MYH15: variants seen among roughly 807,000 people sequenced by gnomAD.
The protein encoded by MYH15 is myosin-15.
MYH15 carries 227 observed loss-of-function variants against 240.5 expected under a neutral mutation model. The ratio of observed to expected loss-of-function variants is 0.94; its 90% CI spans 0.85 to 1.05. The LOEUF is 1.05. Among genes scored for constraint, MYH15 ranks in the 50% least tolerant of loss-of-function variants. MYH15 has a pLI of 0.00. For synonymous variants in MYH15, 785 were observed against 796.7 expected (o/e 0.99, Z 0.25); for missense variants, 2,217 against 2,247.5 (o/e 0.99, Z 0.27).
At chr3:108,505,886 T>C (rs2107245461) in intron 1 of MYH15, 57 bp from the exon 2 acceptor site, 2 of 1,130,338 alleles carry the variant, frequency 1.8e-6, no homozygotes, top group Non-Finnish European at 2.6e-6. Context: ...CAGAAATACA[T>C]ACTGGACACT....
intron 32 of MYH15, among the ~76,000 whole-genome samples, chr3:108,407,311 A>C (rs2082554164): frequency 6.6e-6 from 1 of 152,108 alleles, no homozygotes; most frequent in African/African-American, 2.4e-5. Flanking sequence ...CCTGCCTAAC[A>C]CTGACTGCCA....
At chr3:108,385,892 A>G (rs2082380528) in intron 38 of MYH15, among the ~76,000 whole-genome samples, 1 of 151,824 alleles carries the variant, frequency 6.6e-6, no homozygotes, top group Non-Finnish European at 1.5e-5. Flanking sequence ...TATTCTCATC[A>G]TCTGGAATGC....
At chr3:108,520,524 A>G (rs1163621408) in intron 1 of MYH15, among the ~76,000 whole-genome samples, 1 of 152,174 alleles carries the variant, frequency 6.6e-6, no homozygotes, top group East Asian at 1.9e-4. Flanking sequence ...GTTTTTAAGA[A>G]GTTGAACCCT....
intron 18 of MYH15, among the ~76,000 whole-genome samples, chr3:108,457,537 A>C (rs980055305): frequency 6.6e-6 from 1 of 152,128 alleles, no homozygotes; most frequent in African/African-American, 2.4e-5. Flanking sequence ...AAACCATCCA[A>C]GAAGCCACTG....
chr3:108,415,306 G>T (rs1238328660), intron 29 of MYH15, among the ~76,000 whole-genome samples: 1 of 152,148 alleles, frequency 6.6e-6, no homozygotes, highest in Non-Finnish European at 1.5e-5. Flanking sequence ...AGGGCACAAG[G>T]TTTAGTTAAT....
At chr3:108,506,953 C>G (rs538668481) in intron 1 of MYH15, among the ~76,000 whole-genome samples, 1 of 152,154 alleles carries the variant, frequency 6.6e-6, no homozygotes, top group South Asian at 2.1e-4. Context: ...ATCACTTGAA[C>G]CAGAGAGTCG....
chr3:108,512,441 G>T (rs2083528555), upstream of MYH15, among the ~76,000 whole-genome samples: 1 of 152,116 alleles, frequency 6.6e-6, no homozygotes, highest in Non-Finnish European at 1.5e-5. Context: ...ATTTGTCTGG[G>T]TCCTCCTCCT....
At chr3:108,541,626 T>C in the MYH15 span, among the ~76,000 whole-genome samples, 25 of 152,106 alleles carry the variant, frequency 1.6e-4, no homozygotes, top group African/African-American at 6.0e-4. Context: ...GGAATGAGGA[T>C]GTGGGGAAAC....
chr3:108,482,637 T>C (rs1189366282), intron 11 of MYH15, among the ~76,000 whole-genome samples: 2 of 152,196 alleles, frequency 1.3e-5, no homozygotes, highest in Admixed American at 6.5e-5. Context: ...TCATAACACA[T>C]TGTCTCACTT....
intron 5 of MYH15, among the ~76,000 whole-genome samples, chr3:108,499,111 T>C (rs1281837130): frequency 6.6e-6 from 1 of 152,222 alleles, no homozygotes; most frequent in Non-Finnish European, 1.5e-5. Flanking sequence ...TATTGGACGT[T>C]CAGCCCCTCT....
At chr3:108,426,219 A>C (rs2082723839) in intron 27 of MYH15, among the ~76,000 whole-genome samples, 1 of 151,360 alleles carries the variant, frequency 6.6e-6, no homozygotes, top group Non-Finnish European at 1.5e-5. Context: ...AAAAAAAAAA[A>C]CCCTAAGGAC....
chr3:108,513,851 T>C (rs541301269), upstream of MYH15, among the ~76,000 whole-genome samples: 2 of 152,288 alleles, frequency 1.3e-5, no homozygotes, highest in East Asian at 3.9e-4. Flanking sequence ...AGAAAGACAT[T>C]AGATCATCAT....
chr3:108,413,264 G>A (rs1025519983), intron 30 of MYH15, among the ~76,000 whole-genome samples: 1 of 152,208 alleles, frequency 6.6e-6, no homozygotes, highest in Non-Finnish European at 1.5e-5. Flanking sequence ...TCTACTGCAG[G>A]TATTTTTAGT....
chr3:108,532,111 C>T (rs750296098), upstream of MYH15, among the ~76,000 whole-genome samples: 3 of 151,970 alleles, frequency 2.0e-5, no homozygotes, highest in Non-Finnish European at 4.4e-5. Flanking sequence ...TAAAATAGAA[C>T]ATTTTCCCTA....
At chr3:108,476,675 AAGT>A (rs1331836206) in intron 11 of MYH15, among the ~76,000 whole-genome samples, 160 bp from the exon 12 acceptor site, 6 of 152,196 alleles carry the variant, frequency 3.9e-5, no homozygotes, top group African/African-American at 7.2e-5. Flanking sequence ...TGAATCCTAA[AAGT>A]TTAAAGGAAA....
rs184523771 is a variant in MYH15 at position 108,469,195 on chromosome 3, G to A, written c.1554+847C>T. On this transcript the variant is annotated intron_variant, in intron 14 of 40. Coordinates refer to ENST00000693548, the MANE Select transcript of MYH15 (RefSeq NM_014981.3). ...CCAGGGCTTGCAAAGGACAGGGAGA[G>A]GTCAGTTGCCCTAGCTCCTTCCTAG... 6.5e-3 allele frequency among the ~76,000 whole-genome samples: 984 copies of A among 152,288 alleles called. 13 individuals carry two copies. The highest frequency in any genetic ancestry group is 0.047 in the South Asian group (226 of 4,812).
intron 27 of MYH15, among the ~76,000 whole-genome samples, chr3:108,424,551 A>T (rs911431276): frequency 2.6e-5 from 4 of 152,170 alleles, no homozygotes; most frequent in Non-Finnish European, 5.9e-5. Flanking sequence ...TGATGCATAA[A>T]AATGCTGCCT....
chr3:108,440,349 T>C (rs752055568), intron 23 of MYH15, among the ~76,000 whole-genome samples: 48 of 152,172 alleles, frequency 3.2e-4, no homozygotes, highest in Admixed American at 1.4e-3. Context: ...AGGTTCCAGC[T>C]GATAAAACAT....
intron 14 of MYH15, among the ~76,000 whole-genome samples, chr3:108,467,895 C>T (rs1395928641): frequency 2.0e-5 from 3 of 151,704 alleles, no homozygotes; most frequent in South Asian, 2.1e-4. Flanking sequence ...AAGGAGGTCA[C>T]GGTAAACTTG....
Sources: gnomAD v4.1 joint callset for allele counts (sites outside exome capture counted in the v4.1 genomes callset) on GRCh38, gnomAD v4.1.1 for gene constraint, MANE v1.5 for transcripts, NCBI Gene and HGNC (gene_info 2026-07-23, HGNC 2026-07-21) for gene names.